RNF6: variants seen among roughly 807,000 people sequenced by gnomAD.
RNF6 encodes the protein ring finger protein 6.
A neutral mutation model predicts 50.1 loss-of-function variants in RNF6; 21 were observed. That is an observed-to-expected ratio of 0.42 (90% confidence interval 0.30 to 0.60). The LOEUF is 0.60. Ranked by LOEUF, RNF6 falls within the 20% of genes least tolerant of loss-of-function variation. RNF6 has a pLI of 0.20. For synonymous variants in RNF6, 255 were observed against 291.8 expected, an observed-to-expected ratio of 0.87 and a Z score of 1.29; for missense variants, 698 against 838.2, an observed-to-expected ratio of 0.83 and a Z score of 2.07.
intron 5 of RNF6, among the ~76,000 whole-genome samples, chr13:26,169,505 CT>C (rs1346611555): frequency 6.6e-6 from 1 of 152,148 alleles, no homozygotes; most frequent in Non-Finnish European, 1.5e-5. Context: ...CCTGACCTAC[CT>C]TTTTTTGTGT....
chr13:26,175,824 GA>G (rs1872931185), intron 5 of RNF6, among the ~76,000 whole-genome samples: 1 of 152,126 alleles, frequency 6.6e-6, no homozygotes. Context: ...AATGCACATG[GA>G]AAACAACAGA....
intron 5 of RNF6, among the ~76,000 whole-genome samples, chr13:26,204,969 T>C (rs1869051108): frequency 6.6e-6 from 1 of 152,156 alleles, no homozygotes; most frequent in Non-Finnish European, 1.5e-5. Flanking sequence ...GACCATACTC[T>C]GCAGACCATA....
chr13:26,200,874 A>G (rs1175445385), intron 5 of RNF6, among the ~76,000 whole-genome samples: 1 of 152,240 alleles, frequency 6.6e-6, no homozygotes, highest in Non-Finnish European at 1.5e-5. Flanking sequence ...TCTGATGGGC[A>G]TAATGCATGG....
chr13:26,163,147 C>T (rs950958719), intron 5 of RNF6, among the ~76,000 whole-genome samples: 3 of 152,000 alleles, frequency 2.0e-5, no homozygotes, highest in African/African-American at 7.3e-5. Context: ...TGTCTCTCTA[C>T]TAAAAATACA....
intron 5 of RNF6, among the ~76,000 whole-genome samples, chr13:26,192,920 G>A (rs993411943): frequency 5.1e-4 from 77 of 152,264 alleles, no homozygotes; most frequent in African/African-American, 1.8e-3. Context: ...TATAATAAAC[G>A]TGGTATATTG....
At chr13:26,133,560 T>A (rs1313695285) in intron 5 of RNF6, among the ~76,000 whole-genome samples, 2 of 152,236 alleles carry the variant, frequency 1.3e-5, no homozygotes, top group African/African-American at 4.8e-5. Flanking sequence ...TATTGTTTTG[T>A]CTTTCAGTCC....
intron 5 of RNF6, among the ~76,000 whole-genome samples, chr13:26,167,491 C>G (rs751924523): frequency 2.0e-5 from 3 of 151,984 alleles, no homozygotes; most frequent in Non-Finnish European, 2.9e-5. Context: ...AAATCAAAAC[C>G]ATAACGAGAT....
chr13:26,163,261 G>A (rs1234275746), intron 5 of RNF6, among the ~76,000 whole-genome samples: 1 of 151,496 alleles, frequency 6.6e-6, no homozygotes, highest in African/African-American at 2.4e-5. Context: ...GCAGTGAGTC[G>A]AGATCGCGCC....
In RNF6 at chr13:26,148,469, C is replaced by T. The variant is rs558334419; in HGVS notation, n.769-16018G>A. The stretch of plus-strand genomic sequence containing the variant: ...CTTTCCTACTGGGAAGAAAGTCATT[C>T]GCATTTTTAAATCTAATCATATTAT... On this transcript the variant is annotated intron_variant and non_coding_transcript_variant, in intron 5 of 5. Coordinates refer to the RNF6 transcript ENST00000468480. 3.6e-4 allele frequency among the ~76,000 whole-genome samples: 54 copies of T among 151,320 alleles called. No individual in the cohort carries two copies. In the South Asian group the frequency reaches 0.011, roughly 30 times the overall value.
At chr13:26,179,661 C>T (rs13378638) in intron 5 of RNF6, among the ~76,000 whole-genome samples, 7,783 of 152,252 alleles carry the variant, frequency 0.051, 213 homozygotes, top group Non-Finnish European at 0.068. Flanking sequence ...GGGTCCTGTC[C>T]TCCTGCAATG....
downstream of RNF6, among the ~76,000 whole-genome samples, chr13:26,211,696 T>C (rs1869332528): frequency 6.6e-6 from 1 of 152,038 alleles, no homozygotes; most frequent in Non-Finnish European, 1.5e-5. Flanking sequence ...AGGCGGAGGT[T>C]GCAGCGAGCC....
At chr13:26,162,189 C>T (rs1439427035) in intron 5 of RNF6, among the ~76,000 whole-genome samples, 1 of 152,064 alleles carries the variant, frequency 6.6e-6, no homozygotes, top group African/African-American at 2.4e-5. Context: ...CTCTATCTGG[C>T]TTGTGCACCC....
chr13:26,144,251 A>C (rs1005543828), intron 5 of RNF6, among the ~76,000 whole-genome samples: 1 of 152,164 alleles, frequency 6.6e-6, no homozygotes, highest in African/African-American at 2.4e-5. Flanking sequence ...CTCAATGGGC[A>C]ACAATAAGGG....
At chr13:26,150,217 C>T (rs1392381863) in intron 5 of RNF6, among the ~76,000 whole-genome samples, 2 of 151,980 alleles carry the variant, frequency 1.3e-5, no homozygotes, top group Admixed American at 6.6e-5. Flanking sequence ...TTTGCCCCAA[C>T]TTAACCTAAA....
chr13:26,137,539 T>A (rs1870712280), intron 5 of RNF6, among the ~76,000 whole-genome samples: 1 of 151,918 alleles, frequency 6.6e-6, no homozygotes, highest in African/African-American at 2.4e-5. Context: ...AGACAGAACT[T>A]TTTATCAGTT....
chr13:26,216,378 C>T (rs539699552), intron 4 of RNF6, among the ~76,000 whole-genome samples: 10 of 152,148 alleles, frequency 6.6e-5, no homozygotes, highest in Non-Finnish European at 1.0e-4. Flanking sequence ...TCATTTAGAA[C>T]GTAAGCTCCA....
At chr13:26,173,267 T>G (rs535043569) in intron 5 of RNF6, among the ~76,000 whole-genome samples, 7 of 152,208 alleles carry the variant, frequency 4.6e-5, no homozygotes, top group Non-Finnish European at 5.9e-5. Context: ...AACAAAGATA[T>G]GCATTTCAGC....
At chr13:26,191,109 C>G (rs985205365) in intron 5 of RNF6, among the ~76,000 whole-genome samples, 1 of 151,986 alleles carries the variant, frequency 6.6e-6, no homozygotes, top group African/African-American at 2.4e-5. Flanking sequence ...AACAGCCTTT[C>G]CATTTAGAAA....
At chr13:26,163,557 A>C (rs1469662237) in intron 5 of RNF6, among the ~76,000 whole-genome samples, 1 of 152,180 alleles carries the variant, frequency 6.6e-6, no homozygotes, top group African/African-American at 2.4e-5. Flanking sequence ...TCTTTAAATA[A>C]ATTTTAAAAA....
Sources: gnomAD v4.1 joint callset for allele counts (sites outside exome capture counted in the v4.1 genomes callset) on GRCh38, gnomAD v4.1.1 for gene constraint, MANE v1.5 for transcripts, NCBI Gene and HGNC (gene_info 2026-07-23, HGNC 2026-07-21) for gene names.